The following NOTCH4 variants were observed in gnomAD, a reference collection of about 807,000 sequenced individuals.
NOTCH4 encodes notch receptor 4.
In NOTCH4, 138 loss-of-function variants were observed where a neutral mutation model predicts 189.0. The observed-to-expected ratio is 0.73, with a 90% CI of 0.64 to 0.84. The LOEUF is 0.84. Ranked by LOEUF, NOTCH4 falls within the 40% of genes least tolerant of loss-of-function variation. The pLI, the probability that NOTCH4 is intolerant of heterozygous loss-of-function variation, is 0.00. For synonymous variants in NOTCH4, 942 were observed against 1,032.8 expected (o/e 0.91, Z 1.69); for missense variants, 2,286 against 2,605.4 (o/e 0.88, Z 2.67).
At position 32,202,691 on chromosome 6, in the gene NOTCH4, G is replaced by T; in HGVS notation, c.3232-92C>A. 2 of 1,218,070 alleles carry T rather than the reference G, an allele frequency of 1.6e-6. No individual in the cohort carries two copies. The highest frequency in any genetic ancestry group is 2.2e-6 in the Non-Finnish European group (2 of 897,898). The allele number at this position is 1,218,070 out of a possible 1,614,324, so 75.5% of individuals were successfully genotyped here. On this transcript the variant is annotated intron_variant, in intron 20 of 29. Transcript: ENST00000375023. This position sits in a 1 kb window ranked among gnomAD's most constrained non-coding sequence, Gnocchi z 5.7. ...ACTCTTGGGTTAAGACGGTGCAGAG[G>T]GTCCTAGATTCTCATATCTAAAAGG...
intron 11 of NOTCH4, chr6:32,216,550 T>C (rs1582814901): frequency 3.1e-6 from 1 of 319,134 alleles, no homozygotes; most frequent in East Asian, 8.1e-5. Flanking sequence ...CTGTGGGCTA[T>C]GATCAACAGG....
intron 29 of NOTCH4, 49 bp from the exon 30 acceptor site, chr6:32,196,199 A>C: frequency 6.2e-7 from 1 of 1,600,808 alleles, no homozygotes; most frequent in Non-Finnish European, 8.5e-7. Context: ...CGCCCACAGG[A>C]CTGGGCCTTT....
Position 32,213,851 on chromosome 6 carries a change from C to T in NOTCH4, c.2168-11G>A, listed in dbSNP as rs1368636585. 2 of 1,611,178 alleles carry T rather than the reference C, an allele frequency of 1.2e-6. No homozygotes were observed. The highest frequency in any genetic ancestry group is 1.1e-5 in the South Asian group (1 of 90,964). On this transcript the variant is annotated splice_polypyrimidine_tract_variant and intron_variant, in intron 13 of 29. Transcript: ENST00000375023. ...CACTACAGGTGGGTCCTGAAGGAAA[C>T]AGGTGGGGGCTGAGAAAGGGTGTCC...
At position 32,217,120 on chromosome 6, in the gene NOTCH4, C is replaced by T. The variant is rs375966662; in HGVS notation, c.1738+33G>A. The T allele has an allele frequency of 3.7e-6, 6 of 1,612,870 alleles. No homozygotes were observed. The Admixed American group carries it at 6.7e-5, about 18-fold the overall frequency. On this transcript the variant is annotated intron_variant, in intron 10 of 29. Transcript: ENST00000375023. This position sits in a 1 kb window ranked among gnomAD's most constrained non-coding sequence, Gnocchi z 4.2. ...CTGCACGGATGTCTGCCTCCTGCTC[C>T]CGCTGTCCCCCACAGTGTGTGCCCC...
In NOTCH4 at chr6:32,201,419, C is replaced by A; in HGVS notation, c.3837G>T (p.Trp1279Cys). The A allele has an allele frequency of 6.4e-7, 1 of 1,557,102 alleles. No individual in the cohort carries two copies. The highest frequency in any genetic ancestry group is 8.7e-7 in the Non-Finnish European group (1 of 1,153,552). The change falls in exon 22 of 30, where the codon TGG (tryptophan) becomes TGT (cysteine). Residue 1279 changes from tryptophan (W) to cysteine (C), a missense_variant. By Grantham distance (215) the Trp-to-Cys change is radical. Coordinates refer to ENST00000375023, the MANE Select transcript of NOTCH4 (RefSeq NM_004557.4). This position sits in a 1 kb window ranked among gnomAD's most constrained non-coding sequence, Gnocchi z 5.5. ...EKGCNTAECG[W>C]DGGDCRPEDG... ...CTTCAGGCCTGCAGTCACCTCCATCCCAGCCACACTCTGCAGTGTTGCAGC... is the reference window on the plus strand; with the variant it reads ...CTTCAGGCCTGCAGTCACCTCCATCACAGCCACACTCTGCAGTGTTGCAGC...
At chr6:32,196,874 C>T in intron 28 of NOTCH4, 51 bp downstream of exon 28, 1 of 1,602,102 alleles carries the variant, frequency 6.2e-7, no homozygotes, top group South Asian at 1.1e-5. Flanking sequence ...CTATCTCCCA[C>T]CCCATCTGCT....
At chr6:32,196,660 C>A (rs1424706105) in intron 28 of NOTCH4, among the ~76,000 whole-genome samples, 1 of 152,144 alleles carries the variant, frequency 6.6e-6, no homozygotes, top group Non-Finnish European at 1.5e-5. Context: ...GACAGTCTCC[C>A]CCCACGAGAT....
In NOTCH4 at chr6:32,198,984, TC is replaced by T. The variant is rs774571423; in HGVS notation, c.4476del (p.Thr1493LeufsTer12). 1 of 1,610,428 alleles carries T rather than the reference TC, an allele frequency of 6.2e-7. No homozygotes were observed. The highest frequency in any genetic ancestry group is 1.1e-5 in the South Asian group (1 of 90,766). ...CGGCGTCGGTGGGGAGCTGACTGAG[TC>T]CGAGGCCGTCGAGTGAAACCAGGGG... ...WLPPGFTRRP[R>X]TQSAPHRRRP... is the part of the protein sequence containing the mutation. On this transcript the variant is annotated frameshift_variant, in exon 24 of 30. Transcript: ENST00000375023. LOFTEE classifies it high-confidence loss of function. The surrounding 1 kb of genome is among the most constrained non-coding windows in gnomAD (Gnocchi z 5.5).
intron 18 of NOTCH4, among the ~76,000 whole-genome samples, chr6:32,207,733 TA>T (rs990223518): frequency 9.0e-5 from 13 of 144,992 alleles, no homozygotes; most frequent in Admixed American, 4.8e-4. Context: ...TTGAAGCCAC[TA>T]AAAAAAAAAT....
chr6:32,223,799 A>G (rs199653314), intron 1 of NOTCH4, 57 bp downstream of exon 1: 4 of 1,558,058 alleles, frequency 2.6e-6, no homozygotes, highest in Non-Finnish European at 2.6e-6. Flanking sequence ...CCCCCACCCC[A>G]CTGATCATCC....
chr6:32,220,278 A>G lies in NOTCH4; in HGVS notation c.1166T>C (p.Leu389Pro). ...CLCPPGRTGL[L>P]CHLEDMCLSQ... The stretch of plus-strand genomic sequence containing the variant: ...CAGACACATGTCTTCCAAGTGGCAC[A>G]GGAGTCCTGGAGGGGTAAGAGGGGG... Residue 389 changes from leucine to proline, a missense_variant, in exon 7 of 30, where the codon CTG (leucine) becomes CCG (proline). Transcript: ENST00000375023. 1 of 1,613,142 alleles carries G rather than the reference A, an allele frequency of 6.2e-7. No homozygotes were observed. Among genetic ancestry groups the G allele is most frequent in the Non-Finnish European group, 8.5e-7 (1 of 1,179,424 alleles).
rs754106317 is a variant in NOTCH4, at chr6:32,200,944, C to T, written c.4202G>A (p.Cys1401Tyr). The part of the protein sequence containing the change: ...RCGPDHPASR[C>Y]PWDPGLLLRF... ...GAGTAGAAGCCCAGGGTCCCAGGGA[C>T]AGCGGGATGCCGGGTGGTCAGGGCC... The change falls in exon 23 of 30, where the codon TGT (cysteine) becomes TAT (tyrosine). Residue 1401 changes from cysteine (C) to tyrosine (Y), a missense_variant. Transcript: ENST00000375023. This position sits in a 1 kb window ranked among gnomAD's most constrained non-coding sequence, Gnocchi z 5.0. The T allele has an allele frequency of 1.2e-6, 2 of 1,605,926 alleles. No homozygotes were observed. The highest frequency in any genetic ancestry group is 2.7e-5 in the African/African-American group (2 of 74,740).
In NOTCH4 at chr6:32,222,552, G is replaced by A; in HGVS notation, c.410C>T (p.Ala137Val). 1 of 1,575,042 alleles carries A rather than the reference G, an allele frequency of 6.3e-7. No homozygotes were observed. The highest frequency in any genetic ancestry group is 1.2e-5 in the South Asian group (1 of 84,820). Residue 137 changes from alanine (A) to valine (V), a missense_variant, in exon 3 of 30, where the codon GCC becomes GTC. By Grantham distance (64) the Ala-to-Val change is moderately conservative. Transcript: ENST00000375023. Reference protein sequence around the residue: ...CSKRGRCHIQASGRPQCSCMP... With the variant: ...CSKRGRCHIQVSGRPQCSCMP... ...GCAGGAGCACTGTGGGCGGCCCGAGGCCTGGATGTGGCAGCGGCCCCTTTT... is the reference window on the plus strand; with the variant it reads ...GCAGGAGCACTGTGGGCGGCCCGAGACCTGGATGTGGCAGCGGCCCCTTTT...
At chr6:32,214,784 C>A (rs1400408784) in intron 12 of NOTCH4, among the ~76,000 whole-genome samples, 1 of 152,002 alleles carries the variant, frequency 6.6e-6, no homozygotes, top group Admixed American at 6.6e-5. Context: ...CGCCACCATG[C>A]CCAGCTAATT....
In NOTCH4 at chr6:32,215,436, T is replaced by A. The variant is rs762287089; in HGVS notation, c.1862-51A>T. On this transcript the variant is annotated intron_variant, in intron 11 of 29. Coordinates refer to ENST00000375023, the MANE Select transcript of NOTCH4 (RefSeq NM_004557.4). ...GAAAACAGCTCCTCCACATCCTTCA[T>A]TGGGCCAAAGCCACATCCTTCATTG... 8.5e-6 allele frequency: 13 copies of A among 1,532,040 alleles called. No homozygotes were observed. The South Asian group carries it at 1.6e-4, about 19-fold the overall frequency. 94.9% of individuals were successfully genotyped at this position (1,532,040 alleles called of 1,614,324 possible). A position where few individuals can be genotyped will look rare whatever the true frequency, so the allele number is the denominator to read the frequency against.
chr6:32,223,895 GCA>G lies in NOTCH4; in HGVS notation c.32_33del (p.Leu11ProfsTer49). 6.4e-7 allele frequency: 1 copy of G among 1,569,336 alleles called. No individual in the cohort carries two copies. ...ACTGAGACACATAGCAGCAGCAGCA[GCA>G]GCAGCAGCAGCAGCAGTGAAGGGGG... MQPPSLLLLLLLLLLLCVSVV... is the reference protein window; with the variant it reads MQPPSLLLLLXLLLLLCVSVV... On this transcript the variant is annotated frameshift_variant, in exon 1 of 30. Transcript: ENST00000375023. LOFTEE classifies it high-confidence loss of function.
Position 32,199,086 on chromosome 6 carries a change from G to C in NOTCH4, c.4375C>G (p.Leu1459Val). ...VLCSPVAGVI[L>V]LALGALLVLQ... The stretch of plus-strand genomic sequence containing the variant: ...ACGAGAAGAGCCCCTAGGGCCAGGA[G>C]AATCACCCCGGCCACTGGGGAGCAC... Residue 1459 changes from leucine to valine, a missense_variant, in exon 24 of 30, where the codon CTC becomes GTC. By Grantham distance (32) the Leu-to-Val change is conservative. Transcript: ENST00000375023. The surrounding 1 kb of genome is among the most constrained non-coding windows in gnomAD (Gnocchi z 4.9). 6.2e-7 allele frequency: 1 copy of C among 1,612,506 alleles called. No individual in the cohort carries two copies. Among genetic ancestry groups the C allele is most frequent in the Non-Finnish European group, 8.5e-7 (1 of 1,179,772 alleles).
chr6:32,213,229 A>G lies in NOTCH4; in HGVS notation c.2344T>C (p.Cys782Arg). Residue 782 changes from cysteine (C) to arginine (R), a missense_variant, in exon 15 of 30, where the codon TGT becomes CGT. By Grantham distance (180) the Cys-to-Arg change is radical. Around this residue, in one of 2 missense-constraint regions of NOTCH4, gnomAD observed 1,903 missense variants for 2,261.9 expected, o/e 0.84. Transcript: ENST00000375023. ...GAGAAGGTGCCAGGCCTGTTCACACAGGTACCCCCATTGAAGCACGGGGCT... is the reference window on the plus strand; with the variant it reads ...GAGAAGGTGCCAGGCCTGTTCACACGGGTACCCCCATTGAAGCACGGGGCT... ...VSAPCFNGGT[C>R]VNRPGTFSCL... is the part of the protein sequence containing the mutation. The G allele has an allele frequency of 6.2e-7, 1 of 1,613,764 alleles. No individual in the cohort carries two copies. Among genetic ancestry groups the G allele is most frequent in the Non-Finnish European group, 8.5e-7 (1 of 1,179,762 alleles).
intron 18 of NOTCH4, among the ~76,000 whole-genome samples, chr6:32,208,233 T>A (rs1160084498): frequency 1.3e-5 from 2 of 151,754 alleles, no homozygotes; most frequent in Non-Finnish European, 2.9e-5. Flanking sequence ...GGATTAATAA[T>A]CAGAACGTAT....
Sources: gnomAD v4.1 joint callset for allele counts (sites outside exome capture counted in the v4.1 genomes callset) on GRCh38, gnomAD v4.1.1 for gene constraint, gnomAD v4.1.1 regional missense constraint, Gnocchi (gnomAD v3.1) non-coding constraint, MANE v1.5 for transcripts, NCBI Gene and HGNC (gene_info 2026-07-23, HGNC 2026-07-21) for gene names.